Variants in MSI2 observed in about 807,000 individuals in gnomAD.
MSI2 encodes the protein musashi RNA binding protein 2, also known as RNA-binding protein Musashi homolog 2.
In MSI2, 17 loss-of-function variants were observed where a neutral mutation model predicts 45.6. The observed-to-expected ratio is 0.37, with a 90% CI of 0.26 to 0.56. MSI2 has a LOEUF of 0.56. MSI2 is among the 20% of genes least tolerant of loss of function. The pLI, the probability that MSI2 is intolerant of heterozygous loss-of-function variation, is 0.77. For missense variants in MSI2, 293 were observed against 444.2 expected, an observed-to-expected ratio of 0.66 and a Z score of 3.06; for synonymous variants, 156 against 158.2, an observed-to-expected ratio of 0.99 and a Z score of 0.11.
chr17:57,415,324 C>T (rs988048608), intron 6 of MSI2, among the ~76,000 whole-genome samples: 3 of 151,698 alleles, frequency 2.0e-5, no homozygotes, highest in East Asian at 3.9e-4. Context: ...TTTTGCCTCT[C>T]GAATGAACCG....
At chr17:57,257,938 A>G (rs1299209433) in intron 3 of MSI2, among the ~76,000 whole-genome samples, 4 of 152,020 alleles carry the variant, frequency 2.6e-5, no homozygotes, top group African/African-American at 9.7e-5. Flanking sequence ...AATCTCTTCT[A>G]AGTGCCGGGC....
intron 8 of MSI2, among the ~76,000 whole-genome samples, chr17:57,605,016 TC>T (rs1252136975): frequency 6.6e-6 from 1 of 152,154 alleles, no homozygotes; most frequent in African/African-American, 2.4e-5. Context: ...GTATTCACAA[TC>T]CTATTTGTAG....
At position 57,502,631 on chromosome 17, in the gene MSI2, A is replaced by G. The variant is rs1345961113; in HGVS notation, c.406-27045A>G. ...TATATATATATATATATATATATAT[A>G]TATATAGTCATCATTCTGTCATGCA... On this transcript the variant is annotated intron_variant, in intron 6 of 13. Coordinates refer to ENST00000284073, the MANE Select transcript of MSI2 (RefSeq NM_138962.4). Among the ~76,000 whole-genome samples, 2 of 131,768 alleles carry G rather than the reference A, an allele frequency of 1.5e-5. 1 individual carries two copies. Among genetic ancestry groups the G allele is most frequent in the Admixed American group, 1.7e-4 (2 of 12,118 alleles). The allele number at this position is 131,768 out of a possible 152,430, so 86.4% of individuals were successfully genotyped here. A position where few individuals can be genotyped will look rare whatever the true frequency, so the allele number is the denominator to read the frequency against.
chr17:57,393,881 C>T (rs2144097625), intron 5 of MSI2, among the ~76,000 whole-genome samples: 1 of 152,284 alleles, frequency 6.6e-6, no homozygotes, highest in Admixed American at 6.5e-5. Flanking sequence ...GGGGTTTTGC[C>T]ATGTTGGCCA....
intron 10 of MSI2, among the ~76,000 whole-genome samples, chr17:57,634,033 TCACCAGGTACTGAAATAGGTACCA>T (rs1158858840): frequency 1.3e-5 from 2 of 152,194 alleles, no homozygotes; most frequent in Non-Finnish European, 2.9e-5. Context: ...CATTTTGCTA[TCACCAGGTACTGAAATAGGTACCA>T]GACATCTGGA....
At chr17:57,659,243 TTTTG>T (rs1423936704) in intron 11 of MSI2, among the ~76,000 whole-genome samples, 1 of 151,416 alleles carries the variant, frequency 6.6e-6, no homozygotes, top group South Asian at 2.1e-4. Context: ...TTTGTGTGTT[TTTTG>T]TTTTTTCTTT....
intron 6 of MSI2, among the ~76,000 whole-genome samples, chr17:57,492,420 TGA>T (rs1430361791): frequency 5.3e-5 from 8 of 152,224 alleles, no homozygotes; most frequent in Non-Finnish European, 1.2e-4. Context: ...AGATCAATAC[TGA>T]GGGTTCTCAA....
intron 6 of MSI2, among the ~76,000 whole-genome samples, chr17:57,443,249 C>A (rs1315495084): frequency 6.6e-6 from 1 of 152,174 alleles, no homozygotes; most frequent in Non-Finnish European, 1.5e-5. Context: ...AAGGTCTGGA[C>A]TCCTGCTTTT....
At chr17:57,462,810 G>C (rs2085256157) in intron 6 of MSI2, among the ~76,000 whole-genome samples, 1 of 152,240 alleles carries the variant, frequency 6.6e-6, no homozygotes, top group Non-Finnish European at 1.5e-5. Context: ...CCTCTGGATA[G>C]CCAGAGTTCC....
At chr17:57,537,016 T>G (rs2086934928) in intron 7 of MSI2, among the ~76,000 whole-genome samples, 2 of 151,894 alleles carry the variant, frequency 1.3e-5, no homozygotes, top group Non-Finnish European at 2.9e-5. Context: ...GTCCAAGAGG[T>G]CTTGAGGGGA....
chr17:57,488,894 T>C (rs768321848), intron 6 of MSI2, among the ~76,000 whole-genome samples: 3 of 151,550 alleles, frequency 2.0e-5, no homozygotes, highest in Non-Finnish European at 4.4e-5. Context: ...GCAGACACGA[T>C]AAGAGGGAAG....
At chr17:57,321,423 C>T (rs1251368244) in intron 5 of MSI2, among the ~76,000 whole-genome samples, 1 of 152,166 alleles carries the variant, frequency 6.6e-6, no homozygotes, top group Non-Finnish European at 1.5e-5. Context: ...AAGCCCCCCT[C>T]CCACGCCAAC....
At chr17:57,497,269 A>G (rs111890580) in intron 6 of MSI2, among the ~76,000 whole-genome samples, 4 of 152,254 alleles carry the variant, frequency 2.6e-5, no homozygotes, top group Admixed American at 6.5e-5. Context: ...GAGCCACTGC[A>G]CCCAGCCTAT....
chr17:57,431,358 G>A (rs1273736330), intron 6 of MSI2, among the ~76,000 whole-genome samples: 1 of 152,234 alleles, frequency 6.6e-6, no homozygotes, highest in Non-Finnish European at 1.5e-5. Context: ...TGGCAGCACA[G>A]CCAGGGAATG....
chr17:57,648,975 C>T (rs1445521609), intron 10 of MSI2, among the ~76,000 whole-genome samples: 1 of 152,198 alleles, frequency 6.6e-6, no homozygotes, highest in Non-Finnish European at 1.5e-5. Context: ...TTGTTTCCAC[C>T]AGGGGCCTCC....
chr17:57,431,638 G>T (rs1453711252), intron 6 of MSI2, among the ~76,000 whole-genome samples: 1 of 152,212 alleles, frequency 6.6e-6, no homozygotes, highest in African/African-American at 2.4e-5. Context: ...CACCCCTGGA[G>T]CTGTTTGTCC....
chr17:57,425,501 T>C (rs1201768153), intron 6 of MSI2, among the ~76,000 whole-genome samples: 1 of 152,212 alleles, frequency 6.6e-6, no homozygotes, highest in African/African-American at 2.4e-5. Context: ...TATGTGGTGT[T>C]TGCCAGATGG....
intron 6 of MSI2, among the ~76,000 whole-genome samples, chr17:57,425,000 G>T (rs888939373): frequency 1.4e-4 from 21 of 152,158 alleles, no homozygotes; most frequent in Admixed American, 3.3e-4. Context: ...CTGGGGCAGG[G>T]TTAGTCATCC....
At chr17:57,700,087 G>A in the MSI2 span, among the ~76,000 whole-genome samples, 2 of 152,214 alleles carry the variant, frequency 1.3e-5, no homozygotes, top group Admixed American at 6.5e-5. Context: ...AAACGTTAAC[G>A]GCTGTTTGAA....
Sources: allele counts gnomAD v4.1 joint callset (sites outside exome capture counted in the v4.1 genomes callset), GRCh38; gene constraint gnomAD v4.1.1; transcripts MANE v1.5; gene names NCBI Gene and HGNC (gene_info 2026-07-23, HGNC 2026-07-21).